DPYS: variants seen among roughly 807,000 people sequenced by gnomAD.
DPYS encodes dihydropyrimidinase, also known as dihydropyrimidine amidohydrolase.
Under a neutral mutation model 50.3 loss-of-function variants are expected in DPYS, and 39 were observed. The ratio of observed to expected loss-of-function variants is 0.78; its 90% CI spans 0.60 to 1.01. The LOEUF is 1.01. Among genes scored for constraint, DPYS ranks in the 50% least tolerant of loss-of-function variants. DPYS has a pLI of 0.00. For missense variants in DPYS, 659 were observed against 680.9 expected, an observed-to-expected ratio of 0.97 and a Z score of 0.36; for synonymous variants, 245 against 250.7, an observed-to-expected ratio of 0.98 and a Z score of 0.22.
chr8:104,389,723 T>C (rs1811329962), intron 8 of DPYS, among the ~76,000 whole-genome samples: 1 of 152,170 alleles, frequency 6.6e-6, no homozygotes, highest in African/African-American at 2.4e-5. Context: ...GCTTGCTTTA[T>C]GGATTAAGTA....
chr8:104,426,215 A>G (rs989948514), intron 6 of DPYS, among the ~76,000 whole-genome samples: 4 of 152,216 alleles, frequency 2.6e-5, no homozygotes, highest in African/African-American at 9.6e-5. Flanking sequence ...CTATCATCCA[A>G]TAAGTAATGG....
intron 6 of DPYS, among the ~76,000 whole-genome samples, chr8:104,426,222 AT>A (rs1812715818): frequency 6.6e-6 from 1 of 152,232 alleles, no homozygotes; most frequent in South Asian, 2.1e-4. Context: ...CCAATAAGTA[AT>A]GGAGGCAAGT....
At chr8:104,447,301 A>C in intron 3 of DPYS, 23 bp downstream of exon 3, 1 of 1,613,898 alleles carries the variant, frequency 6.2e-7, no homozygotes, top group South Asian at 1.1e-5. Context: ...TTTCTGTAGA[A>C]GCTTTGGAAT....
At chr8:104,433,093 T>C (rs7001837) in intron 4 of DPYS, among the ~76,000 whole-genome samples, 42,088 of 152,044 alleles carry the variant, frequency 0.28, 6,101 homozygotes, top group African/African-American at 0.33. Context: ...TGGCCATCTA[T>C]AAGCCAAGAA....
Position 104,429,526 on chromosome 8 carries a change from T to C in DPYS, c.950+19A>G. 1 of 1,613,902 alleles carries C rather than the reference T, an allele frequency of 6.2e-7. No homozygotes were observed. Among genetic ancestry groups the C allele is most frequent in the South Asian group, 1.1e-5 (1 of 91,064 alleles). Reference sequence around the variant, plus strand: ...CTTCTTTTGGCAATACACTTCCCAGTCATCTGCAAAATGATTACTTAGCCA... The same window carrying C: ...CTTCTTTTGGCAATACACTTCCCAGCCATCTGCAAAATGATTACTTAGCCA... On this transcript the variant is annotated intron_variant, in intron 5 of 9. Coordinates refer to ENST00000351513, the MANE Select transcript of DPYS (RefSeq NM_001385.3).
chr8:104,437,787 A>G (rs981855116), intron 4 of DPYS, among the ~76,000 whole-genome samples: 4 of 152,168 alleles, frequency 2.6e-5, no homozygotes, highest in Non-Finnish European at 5.9e-5. Flanking sequence ...AGAACCCTCT[A>G]TTGGGGTCTG....
At chr8:104,456,686 C>A (rs1442659041) in intron 1 of DPYS, among the ~76,000 whole-genome samples, 5 of 152,190 alleles carry the variant, frequency 3.3e-5, no homozygotes, top group Non-Finnish European at 7.3e-5. Context: ...TGACTTATTT[C>A]CATTTTTATT....
chr8:104,450,147 A>AAGGGAGGGAGGAAGGGAGGGAGGGAGGG (rs200426343), intron 2 of DPYS, among the ~76,000 whole-genome samples: 1 of 68,016 alleles, frequency 1.5e-5, no homozygotes, highest in Middle Eastern at 5.4e-3. Flanking sequence ...GAAAAGAAAG[A>AAGGGAGGGAGGAAGGGAGGGAGGGAGGG]AGGAAGGGAG....
intron 4 of DPYS, among the ~76,000 whole-genome samples, chr8:104,433,047 T>C (rs902066194): frequency 6.6e-6 from 1 of 152,034 alleles, no homozygotes; most frequent in African/African-American, 2.4e-5. Context: ...TTTGGACACA[T>C]AGAGGGGAAG....
intron 8 of DPYS, 152 bp from the exon 9 acceptor site, chr8:104,381,466 C>A: frequency 1.4e-6 from 1 of 692,814 alleles, no homozygotes; most frequent in Non-Finnish European, 2.5e-6. Flanking sequence ...CACGGAAATT[C>A]CTGGCAACCT....
intron 7 of DPYS, among the ~76,000 whole-genome samples, chr8:104,408,286 C>CA (rs1226396012): frequency 6.6e-6 from 1 of 152,078 alleles, no homozygotes; most frequent in East Asian, 1.9e-4. Flanking sequence ...ATTTATTTCT[C>CA]AAAAAAGCCT....
Position 104,379,586 on chromosome 8 carries a change from T to G in DPYS, c.*272A>C, listed in dbSNP as rs1810964185. 1 of 175,190 alleles carries G rather than the reference T, an allele frequency of 5.7e-6. No individual in the cohort carries two copies. Among genetic ancestry groups the G allele is most frequent in the South Asian group, 1.1e-4 (1 of 9,126 alleles). The allele number at this position is 175,190 out of a possible 1,614,324, so 10.9% of individuals were successfully genotyped here. A position where few individuals can be genotyped will look rare whatever the true frequency, so the allele number is the denominator to read the frequency against. On this transcript the variant is annotated 3_prime_UTR_variant, in exon 10 of 10. Coordinates refer to ENST00000351513, the MANE Select transcript of DPYS (RefSeq NM_001385.3). ...GTAAGAAATCTAGTACAAGCAAAGA[T>G]GACATTTTAAAGTATCATCAATGAA...
intron 4 of DPYS, among the ~76,000 whole-genome samples, chr8:104,436,706 G>A (rs1813162334): frequency 6.6e-6 from 1 of 152,064 alleles, no homozygotes; most frequent in Non-Finnish European, 1.5e-5. Flanking sequence ...CTTAAATTAA[G>A]AAGATAAGCT....
At chr8:104,441,048 A>G (rs150885649) in intron 4 of DPYS, among the ~76,000 whole-genome samples, 99 of 152,230 alleles carry the variant, frequency 6.5e-4, no homozygotes, top group South Asian at 3.3e-3. Flanking sequence ...TTTATGTCCA[A>G]CGCTTCCTCT....
intron 4 of DPYS, among the ~76,000 whole-genome samples, chr8:104,437,109 T>C (rs976153416): frequency 2.0e-5 from 3 of 152,206 alleles, no homozygotes; most frequent in Non-Finnish European, 4.4e-5. Flanking sequence ...TGGAGGATTA[T>C]GATGGAGTCC....
At chr8:104,423,734 TA>T (rs747338047) in intron 7 of DPYS, among the ~76,000 whole-genome samples, 2 of 152,144 alleles carry the variant, frequency 1.3e-5, no homozygotes, top group South Asian at 2.1e-4. Flanking sequence ...CTTGCAATAT[TA>T]ACATAGAATT....
At position 104,428,054 on chromosome 8, in the gene DPYS, C is replaced by A. The variant is rs747063725; in HGVS notation, c.1018G>T (p.Asp340Tyr). 1.2e-6 allele frequency: 2 copies of A among 1,614,226 alleles called. No homozygotes were observed. The highest frequency in any genetic ancestry group is 1.7e-6 in the Non-Finnish European group (2 of 1,180,038). The change falls in exon 6 of 10, where the codon GAT becomes TAT. Residue 340 changes from aspartate to tyrosine, a missense_variant. Physicochemically the swap from Asp to Tyr is radical, Grantham distance 160 (BLOSUM62 -3). Transcript: ENST00000351513. Reference protein sequence around the residue: ...FNTCQKALGKDDFTKIPNGVN... With the variant: ...FNTCQKALGKYDFTKIPNGVN... ...CCATTGGGGATCTTGGTAAAATCAT[C>A]CTTCCCAAGAGCTTTCTGGCAGGTG...
At chr8:104,432,456 T>A (rs1447506245) in intron 4 of DPYS, among the ~76,000 whole-genome samples, 1 of 152,162 alleles carries the variant, frequency 6.6e-6, no homozygotes, top group Admixed American at 6.6e-5. Context: ...GGTTGAAAGA[T>A]GCACAGAAAA....
chr8:104,408,029 C>G (rs1812051686), intron 7 of DPYS, among the ~76,000 whole-genome samples: 1 of 152,178 alleles, frequency 6.6e-6, no homozygotes, highest in African/African-American at 2.4e-5. Flanking sequence ...TACACTCATT[C>G]ATTTTACATG....
Sources: allele counts gnomAD v4.1 joint callset (sites outside exome capture counted in the v4.1 genomes callset), GRCh38; gene constraint gnomAD v4.1.1; transcripts MANE v1.5; gene names NCBI Gene and HGNC (gene_info 2026-07-23, HGNC 2026-07-21).